MTCL1: variants seen among roughly 807,000 people sequenced by gnomAD.
MTCL1 encodes the protein microtubule cross-linking factor 1.
A neutral mutation model predicts 141.4 loss-of-function variants in MTCL1; 79 were observed. The observed-to-expected ratio is 0.56, with a 90% CI of 0.47 to 0.67. The LOEUF (loss-of-function observed/expected upper bound fraction) is 0.67. Ranked by LOEUF, MTCL1 falls within the 30% of genes least tolerant of loss-of-function variation. The pLI is 0.00. For missense variants in MTCL1, 2,177 were observed against 2,113.9 expected, an observed-to-expected ratio of 1.03 and a Z score of -0.59; for synonymous variants, 914 against 875.8, an observed-to-expected ratio of 1.04 and a Z score of -0.77.
chr18:8,795,949 G>A (rs2075902865), intron 8 of MTCL1, among the ~76,000 whole-genome samples: 1 of 152,236 alleles, frequency 6.6e-6, no homozygotes, highest in Non-Finnish European at 1.5e-5. Flanking sequence ...TTTCCTGAAG[G>A]AGTTTAGAGA....
intron 4 of MTCL1, among the ~76,000 whole-genome samples, chr18:8,739,598 G>C (rs1157695526): frequency 6.6e-6 from 1 of 152,224 alleles, no homozygotes; most frequent in Non-Finnish European, 1.5e-5. Flanking sequence ...AGTTCAGGGA[G>C]AACACTGTGA....
intron 4 of MTCL1, among the ~76,000 whole-genome samples, chr18:8,740,464 A>T (rs1350687748): frequency 6.6e-6 from 1 of 152,146 alleles, no homozygotes; most frequent in African/African-American, 2.4e-5. Flanking sequence ...GAAATAACTC[A>T]ATTTTTTATT....
intron 4 of MTCL1, among the ~76,000 whole-genome samples, chr18:8,750,151 C>T (rs755710894): frequency 6.6e-6 from 1 of 151,998 alleles, no homozygotes; most frequent in African/African-American, 2.4e-5. Flanking sequence ...TCAAGTGATC[C>T]TCCCACCTCA....
At position 8,705,789 on chromosome 18, in the gene MTCL1, G is replaced by T. The variant is rs2096056827; in HGVS notation, c.129G>T (p.Ser43=). 5.9e-6 allele frequency: 7 copies of T among 1,195,658 alleles called. No individual in the cohort carries two copies. The highest frequency in any genetic ancestry group is 4.5e-5 in the Admixed American group (1 of 22,320). 74.1% of individuals were successfully genotyped at this position (1,195,658 alleles called of 1,614,324 possible). The change falls in exon 1 of 14, where the codon TCG becomes TCT. Residue 43 remains serine (S), a synonymous_variant. Coordinates refer to the MTCL1 transcript ENST00000306329. The surrounding 1 kb of genome is among the most constrained non-coding windows in gnomAD (Gnocchi z 5.2). ...GGCGGCGGCTGCACCGTGCGCCCTC[G>T]CCCGCCAGACCCTTCCTCAAGGACC...
rs1045798960 is a variant in MTCL1 at position 8,806,802 on chromosome 18, C to G, written c.2437-91C>G. On this transcript the variant is annotated intron_variant, in intron 10 of 16. Transcript: ENST00000359865. The stretch of plus-strand genomic sequence containing the variant: ...GCCAACAACACCTGGGAAACAGCCC[C>G]CACACTACCTTGATAGCCAGATCCT... The G allele has an allele frequency of 3.5e-6, 5 of 1,410,140 alleles. No homozygotes were observed. The African/African-American group carries it at 5.7e-5, about 16-fold the overall frequency. The allele number at this position is 1,410,140 out of a possible 1,614,324, so 87.4% of individuals were successfully genotyped here.
At chr18:8,706,859 T>G in intron 1 of MTCL1, 146 bp downstream of exon 1, 2 of 1,371,004 alleles carry the variant, frequency 1.5e-6, no homozygotes, top group East Asian at 2.9e-5. Flanking sequence ...TGTCAGGCAT[T>G]GGCAACTTAA....
At chr18:8,778,936 G>T (rs1195022094) in intron 5 of MTCL1, among the ~76,000 whole-genome samples, 1 of 152,232 alleles carries the variant, frequency 6.6e-6, no homozygotes, top group Non-Finnish European at 1.5e-5. Context: ...AACAGGAGCT[G>T]CTGCTCCTTG....
At chr18:8,789,235 G>A (rs16954160) in intron 7 of MTCL1, among the ~76,000 whole-genome samples, 41,304 of 152,122 alleles carry the variant, frequency 0.27, 6,102 homozygotes, top group East Asian at 0.55. Context: ...CAGCCACAAG[G>A]AAGTTACGTG....
chr18:8,747,172 ACT>A (rs1382755484), intron 4 of MTCL1, among the ~76,000 whole-genome samples: 13 of 152,012 alleles, frequency 8.6e-5, no homozygotes, highest in African/African-American at 2.7e-4. Flanking sequence ...ACAGGTACTG[ACT>A]CTGTCTTTTC....
chr18:8,773,162 C>T (rs1287394360), intron 4 of MTCL1, among the ~76,000 whole-genome samples: 1 of 152,150 alleles, frequency 6.6e-6, no homozygotes, highest in Non-Finnish European at 1.5e-5. Flanking sequence ...GTGCATGTCT[C>T]TTGTCCTTAG....
chr18:8,712,480 A>G (rs1477032848), upstream of MTCL1, among the ~76,000 whole-genome samples: 1 of 152,220 alleles, frequency 6.6e-6, no homozygotes, highest in Non-Finnish European at 1.5e-5. Flanking sequence ...GAGCGCAAGC[A>G]GTGCTCTGTA....
chr18:8,787,628 C>A (rs1386660841), intron 7 of MTCL1, among the ~76,000 whole-genome samples: 2 of 152,220 alleles, frequency 1.3e-5, no homozygotes, highest in Non-Finnish European at 2.9e-5. Context: ...TATATTTTAA[C>A]AAGAGAGCTA....
At chr18:8,776,102 A>G (rs2096507022) in intron 4 of MTCL1, among the ~76,000 whole-genome samples, 1 of 152,230 alleles carries the variant, frequency 6.6e-6, no homozygotes, top group Non-Finnish European at 1.5e-5. Context: ...GTGGGCACCC[A>G]GGAATAAAGC....
chr18:8,706,774 G>A, intron 1 of MTCL1, 61 bp downstream of exon 1: 6 of 1,530,508 alleles, frequency 3.9e-6, no homozygotes, highest in Non-Finnish European at 5.3e-6. Flanking sequence ...GCTGCGGCGG[G>A]GACCCGCCAA....
At chr18:8,732,437 T>G (rs1001453205) in intron 4 of MTCL1, among the ~76,000 whole-genome samples, 5 of 152,070 alleles carry the variant, frequency 3.3e-5, no homozygotes, top group African/African-American at 1.2e-4. Flanking sequence ...TATCTTCAAG[T>G]GCAGAATCAA....
At chr18:8,829,553 A>T in intron 16 of MTCL1, 1 of 981,124 alleles carries the variant, frequency 1.0e-6, no homozygotes, top group African/African-American at 1.7e-5. Flanking sequence ...CACTCCAAAT[A>T]TCTTGAGACC....
At chr18:8,718,962 TAAAAA>T (rs2096149655) in intron 3 of MTCL1, among the ~76,000 whole-genome samples, 1 of 150,904 alleles carries the variant, frequency 6.6e-6, no homozygotes, top group African/African-American at 2.5e-5. Context: ...ATATTTTTTT[TAAAAA>T]TCTATTGATT....
chr18:8,824,075 C>G (rs2076933724), intron 14 of MTCL1, among the ~76,000 whole-genome samples: 1 of 152,180 alleles, frequency 6.6e-6, no homozygotes, highest in Non-Finnish European at 1.5e-5. Context: ...GTTGCCTGAG[C>G]CAGCAGGCAC....
At chr18:8,768,957 A>G (rs2096472913) in intron 4 of MTCL1, among the ~76,000 whole-genome samples, 1 of 151,990 alleles carries the variant, frequency 6.6e-6, no homozygotes, top group South Asian at 2.1e-4. Flanking sequence ...ACGTGGGCCC[A>G]GCTAATTTTT....
Sources: allele counts gnomAD v4.1 joint callset (sites outside exome capture counted in the v4.1 genomes callset), GRCh38; gene constraint gnomAD v4.1.1; non-coding constraint Gnocchi (gnomAD v3.1); transcripts MANE v1.5; gene names NCBI Gene and HGNC (gene_info 2026-07-23, HGNC 2026-07-21).